The following ASAP2 variants were observed in gnomAD, a reference collection of about 807,000 sequenced individuals.
ASAP2 encodes the protein ArfGAP with SH3 domain, ankyrin repeat and PH domain 2, also known as arf-GAP with SH3 domain, ANK repeat and PH domain-containing protein 2.
In ASAP2, 45 loss-of-function variants were observed where a neutral mutation model predicts 131.4. The observed-to-expected ratio is 0.34, with a 90% confidence interval of 0.27 to 0.44. ASAP2 has a LOEUF of 0.44. Among genes scored for constraint, ASAP2 ranks in the 20% least tolerant of loss-of-function variants. The pLI is 1.00. For synonymous variants in ASAP2, 510 were observed against 503.0 expected (o/e 1.01, Z -0.19); for missense variants, 1,011 against 1,297.0 (o/e 0.78, Z 3.39).
At chr2:9,278,611 G>A (rs1180327463) in intron 1 of ASAP2, among the ~76,000 whole-genome samples, 1 of 152,118 alleles carries the variant, frequency 6.6e-6, no homozygotes, top group Non-Finnish European at 1.5e-5. Flanking sequence ...ATTAGTCGTT[G>A]AACAGATAAC....
chr2:9,393,588 G>T lies in ASAP2; in HGVS notation c.2625G>T (p.Arg875Ser), dbSNP rs778968834. 4 of 1,595,548 alleles carry T rather than the reference G, an allele frequency of 2.5e-6. No homozygotes were observed. In the South Asian group the frequency reaches 3.4e-5, roughly 13 times the overall value. The change falls in exon 24 of 28, where the codon AGG becomes AGT. Residue 875 changes from arginine to serine, a missense_variant. Arg to Ser is a moderately radical substitution (Grantham distance 110, BLOSUM62 -1). Transcript: ENST00000281419. ...CCCCGCCTGGGATCTCACAGATCAG[G>T]CCCCCACCTCTGCCCCCACAGCCGC... ...KPAPPGISQI[R>S]PPPLPPQPPS... is the part of the protein sequence containing the mutation.
chr2:9,286,936 G>A (rs1667506192), intron 2 of ASAP2, among the ~76,000 whole-genome samples: 1 of 152,210 alleles, frequency 6.6e-6, no homozygotes, highest in Non-Finnish European at 1.5e-5. Context: ...AAATACTCAT[G>A]AGGTATTTGT....
At chr2:9,264,195 A>AAAT (rs70948813) in intron 1 of ASAP2, among the ~76,000 whole-genome samples, 3,415 of 141,884 alleles carry the variant, frequency 0.024, 95 homozygotes, top group Middle Eastern at 0.038. Flanking sequence ...TGTCTCAAAA[A>AAAT]AATAATAATA....
chr2:9,273,654 C>T (rs772169116), intron 1 of ASAP2, among the ~76,000 whole-genome samples: 2 of 152,008 alleles, frequency 1.3e-5, no homozygotes, highest in African/African-American at 2.4e-5. Flanking sequence ...TTGGTTGGGT[C>T]GGAGATGAAC....
intron 1 of ASAP2, among the ~76,000 whole-genome samples, chr2:9,266,727 C>A (rs1436893159): frequency 6.6e-6 from 1 of 152,176 alleles, no homozygotes; most frequent in African/African-American, 2.4e-5. Flanking sequence ...GTCAAAGTTG[C>A]TACTTTAGGA....
intron 2 of ASAP2, 132 bp downstream of exon 2, chr2:9,279,521 G>A: frequency 2.5e-6 from 2 of 803,874 alleles, no homozygotes; most frequent in South Asian, 1.6e-5. Flanking sequence ...GATCACAGAG[G>A]TGAGCTGGGA....
At chr2:9,295,556 G>A (rs74426864) in intron 2 of ASAP2, among the ~76,000 whole-genome samples, 5,992 of 152,216 alleles carry the variant, frequency 0.039, 292 homozygotes, top group African/African-American at 0.11. Flanking sequence ...CAGGCCCAGC[G>A]TCACTGTGAC....
At chr2:9,215,167 G>A (rs1408918947) in intron 1 of ASAP2, among the ~76,000 whole-genome samples, 4 of 152,082 alleles carry the variant, frequency 2.6e-5, no homozygotes, top group East Asian at 3.9e-4. Context: ...TGGTAACTGC[G>A]ACACAGTTAC....
intron 1 of ASAP2, among the ~76,000 whole-genome samples, chr2:9,209,256 A>C (rs191365298): frequency 1.2e-3 from 186 of 152,348 alleles, no homozygotes; most frequent in African/African-American, 4.3e-3. Context: ...TGATGATGGT[A>C]TGTGTGAGCT....
Position 9,268,707 on chromosome 2 carries a change from TTTTTG to T in ASAP2, c.127-10603_127-10599del, listed in dbSNP as rs1666118316. Reference sequence around the variant, plus strand: ...GGGCACGGACCTGGGTGTGTTTTGTTTTTTGTTTTGTCTACTGTCTTTCAGAAATG... The same window carrying T: ...GGGCACGGACCTGGGTGTGTTTTGTTTTTTGTCTACTGTCTTTCAGAAATG... On this transcript the variant is annotated intron_variant, in intron 1 of 27. Transcript: ENST00000281419. The surrounding 1 kb of genome is among the most constrained non-coding windows in gnomAD (Gnocchi z 4.1). 1.3e-5 allele frequency among the ~76,000 whole-genome samples: 2 copies of T among 152,208 alleles called. No homozygotes were observed. Among genetic ancestry groups the T allele is most frequent in the African/African-American group, 4.8e-5 (2 of 41,450 alleles).
chr2:9,320,213 T>C, intron 4 of ASAP2, 75 bp from the exon 5 acceptor site: 1 of 1,259,010 alleles, frequency 7.9e-7, no homozygotes, highest in South Asian at 1.2e-5. Flanking sequence ...TCAGGGCTAG[T>C]ACAGGGATAA....
chr2:9,270,785 A>ATCTTTTTTTTTTTTTT (rs1666298545), intron 1 of ASAP2, among the ~76,000 whole-genome samples: 1 of 52,924 alleles, frequency 1.9e-5, no homozygotes, highest in Non-Finnish European at 3.5e-5. Context: ...AATTGTTTTC[A>ATCTTTTTTTTTTTTTT]TTTTTTTTTT....
At chr2:9,327,254 A>G (rs527917832) in intron 6 of ASAP2, among the ~76,000 whole-genome samples, 8 of 151,988 alleles carry the variant, frequency 5.3e-5, no homozygotes, top group African/African-American at 7.3e-5. Context: ...AAGTCCTTCT[A>G]TTTCCTGACA....
At chr2:9,326,902 T>C (rs921067711) in intron 6 of ASAP2, among the ~76,000 whole-genome samples, 4 of 152,228 alleles carry the variant, frequency 2.6e-5, no homozygotes, top group African/African-American at 9.6e-5. Flanking sequence ...GTTATCTTCT[T>C]AGAATAAATT....
At position 9,297,368 on chromosome 2, in the gene ASAP2, G is replaced by A; in HGVS notation, c.268G>A (p.Asp90Asn). The A allele has an allele frequency of 6.2e-7, 1 of 1,614,174 alleles. No individual in the cohort carries two copies. The highest frequency in any genetic ancestry group is 8.5e-7 in the Non-Finnish European group (1 of 1,180,026). ...EKFGGNCVCR[D>N]DPDLGSAFLK... ...GTTTGGCGGCAACTGTGTATGCAGA[G>A]ATGACCCAGATTTAGGAAGTGCGTT... is the stretch of plus-strand genomic sequence containing the variant. Residue 90 changes from aspartate (D) to asparagine (N), a missense_variant, in exon 3 of 28, where the codon GAT (aspartate) becomes AAT (asparagine). This residue lies in a region of ASAP2 where 359 missense variants were observed against 598.1 expected (regional missense o/e 0.60). Coordinates refer to ENST00000281419, the MANE Select transcript of ASAP2 (RefSeq NM_003887.3).
chr2:9,220,265 T>G (rs1404398494), intron 1 of ASAP2, among the ~76,000 whole-genome samples: 1 of 152,228 alleles, frequency 6.6e-6, no homozygotes, highest in Non-Finnish European at 1.5e-5. Flanking sequence ...AAACTTAAAC[T>G]TTTTAAAGTC....
At chr2:9,272,208 C>G (rs1216720519) in intron 1 of ASAP2, among the ~76,000 whole-genome samples, 1 of 152,166 alleles carries the variant, frequency 6.6e-6, no homozygotes, top group African/African-American at 2.4e-5. Flanking sequence ...TCTCCACATC[C>G]CCACAAGCAT....
chr2:9,227,360 T>C (rs540427044), intron 1 of ASAP2, among the ~76,000 whole-genome samples: 1 of 152,230 alleles, frequency 6.6e-6, no homozygotes, highest in Non-Finnish European at 1.5e-5. Flanking sequence ...CGTTCAGCAG[T>C]GAGCCTCCTC....
intron 17 of ASAP2, among the ~76,000 whole-genome samples, chr2:9,376,674 T>C (rs531432600): frequency 6.6e-6 from 1 of 152,330 alleles, no homozygotes; most frequent in Non-Finnish European, 1.5e-5. Flanking sequence ...ATGAAACTCC[T>C]GAACTTCTCA....
Sources: allele counts gnomAD v4.1 joint callset (sites outside exome capture counted in the v4.1 genomes callset), GRCh38; gene constraint gnomAD v4.1.1; regional missense constraint gnomAD v4.1.1; non-coding constraint Gnocchi (gnomAD v3.1); transcripts MANE v1.5; gene names NCBI Gene and HGNC (gene_info 2026-07-23, HGNC 2026-07-21).